COL10A1: variants seen among roughly 807,000 people sequenced by gnomAD.
COL10A1 encodes the protein collagen type X alpha 1 chain.
COL10A1 carries 10 observed loss-of-function variants against 18.2 expected under a neutral mutation model. The ratio of observed to expected loss-of-function variants is 0.55; its 90% confidence interval spans 0.34 to 0.93. The LOEUF is 0.93. Among genes scored for constraint, COL10A1 ranks in the 40% least tolerant of loss-of-function variants. COL10A1 has a pLI of 0.02. For synonymous variants in COL10A1, 330 were observed against 316.6 expected (o/e 1.04, Z -0.45); for missense variants, 897 against 853.5 (o/e 1.05, Z -0.64).
chr6:116,160,986 A>G (rs1582843802), upstream of COL10A1, among the ~76,000 whole-genome samples: 1 of 152,108 alleles, frequency 6.6e-6, no homozygotes, highest in East Asian at 1.9e-4. Flanking sequence ...TGTGGCACAT[A>G]TACACCATGG....
chr6:116,161,766 T>A (rs59897072), upstream of COL10A1, among the ~76,000 whole-genome samples: 345 of 152,286 alleles, frequency 2.3e-3, 2 homozygotes, highest in African/African-American at 8.2e-3. Flanking sequence ...CTGTGAAATA[T>A]AACATTGGTA....
the COL10A1 span, among the ~76,000 whole-genome samples, chr6:116,178,052 A>AGT: frequency 0.11 from 14,298 of 136,046 alleles, 955 homozygotes; most frequent in East Asian, 0.28. Context: ...CAAAGAGGAA[A>AGT]GTGTGTGTGT....
chr6:116,129,553 C>G (rs968724597), upstream of COL10A1, among the ~76,000 whole-genome samples: 7 of 152,192 alleles, frequency 4.6e-5, no homozygotes, highest in Non-Finnish European at 8.8e-5. Context: ...CTCTTGCACA[C>G]TTTTGCCCTC....
At chr6:116,194,943 C>T in the COL10A1 span, among the ~76,000 whole-genome samples, 3 of 152,072 alleles carry the variant, frequency 2.0e-5, no homozygotes, top group African/African-American at 4.8e-5. Flanking sequence ...GATACTGTGG[C>T]ATATTTGCCA....
chr6:116,209,402 G>A, the COL10A1 span, among the ~76,000 whole-genome samples: 3 of 151,936 alleles, frequency 2.0e-5, no homozygotes, highest in Non-Finnish European at 4.4e-5. Context: ...GAATCCTCTG[G>A]TACTTGCCTG....
the COL10A1 span, among the ~76,000 whole-genome samples, chr6:116,186,874 A>G: frequency 2.0e-5 from 3 of 152,096 alleles, no homozygotes; most frequent in African/African-American, 7.2e-5. Flanking sequence ...CTGGCAATTC[A>G]GAGATTTAGT....
chr6:116,197,095 C>T, the COL10A1 span, among the ~76,000 whole-genome samples: 1 of 151,882 alleles, frequency 6.6e-6, no homozygotes, highest in Non-Finnish European at 1.5e-5. Flanking sequence ...GCAGGATCTC[C>T]TGTCCACCCC....
At chr6:116,156,942 C>T (rs986119014) in intron 1 of COL10A1, among the ~76,000 whole-genome samples, 3 of 152,158 alleles carry the variant, frequency 2.0e-5, no homozygotes, top group African/African-American at 7.2e-5. Context: ...TGACCAGCCA[C>T]TCACTCCCTG....
At chr6:116,215,053 C>A in the COL10A1 span, among the ~76,000 whole-genome samples, 1 of 152,016 alleles carries the variant, frequency 6.6e-6, no homozygotes, top group African/African-American at 2.4e-5. Flanking sequence ...CAGAATAGAA[C>A]CCAGTTATCA....
chr6:116,176,242 C>T, the COL10A1 span, among the ~76,000 whole-genome samples: 1 of 152,158 alleles, frequency 6.6e-6, no homozygotes, highest in Non-Finnish European at 1.5e-5. Context: ...AGGATTACTG[C>T]TCCAGCTAAT....
At chr6:116,163,137 A>ATATATAT (rs1554197055), upstream of COL10A1, among the ~76,000 whole-genome samples, 314 of 105,282 alleles carry the variant, frequency 3.0e-3, 2 homozygotes, top group East Asian at 0.015. Flanking sequence ...AAAAAAAAAA[A>ATATATAT]AAAAATATAT....
At chr6:116,183,060 G>A in the COL10A1 span, among the ~76,000 whole-genome samples, 1 of 152,116 alleles carries the variant, frequency 6.6e-6, no homozygotes, top group African/African-American at 2.4e-5. Context: ...TATAAGATGA[G>A]AGATGAGGAT....
chr6:116,189,907 T>C, the COL10A1 span, among the ~76,000 whole-genome samples: 1 of 152,034 alleles, frequency 6.6e-6, no homozygotes, highest in Non-Finnish European at 1.5e-5. Flanking sequence ...TGTATGTTTT[T>C]GCCTTTTAAG....
intron 2 of COL10A1, 61 bp downstream of exon 2, chr6:116,125,278 T>A: frequency 6.4e-7 from 1 of 1,569,994 alleles, no homozygotes; most frequent in Admixed American, 1.8e-5. Context: ...AAAGAGATTA[T>A]TAAGATTATA....
intron 1 of COL10A1, among the ~76,000 whole-genome samples, chr6:116,149,422 A>T (rs1779978580): frequency 6.6e-6 from 1 of 152,324 alleles, no homozygotes; most frequent in Non-Finnish European, 1.5e-5. Flanking sequence ...TTTTAGGATT[A>T]TGATTTTCTA....
intron 1 of COL10A1, among the ~76,000 whole-genome samples, chr6:116,144,469 C>A (rs1779846545): frequency 6.6e-6 from 1 of 151,440 alleles, no homozygotes; most frequent in Non-Finnish European, 1.5e-5. Flanking sequence ...CCACTGCACT[C>A]CAGCCTGATG....
chr6:116,180,723 G>A, the COL10A1 span, among the ~76,000 whole-genome samples: 1 of 152,096 alleles, frequency 6.6e-6, no homozygotes, highest in East Asian at 1.9e-4. Context: ...AAGGCAATAA[G>A]CAGAATCCAG....
chr6:116,125,738 C>T, intron 1 of COL10A1: 1 of 342,278 alleles, frequency 2.9e-6, no homozygotes, highest in Non-Finnish European at 5.4e-6. Flanking sequence ...AAATGATTTA[C>T]CTAAAGGAAA....
intron 1 of COL10A1, among the ~76,000 whole-genome samples, chr6:116,147,132 T>G (rs1779918750): frequency 6.6e-6 from 1 of 151,024 alleles, no homozygotes; most frequent in Non-Finnish European, 1.5e-5. Context: ...AAAATACAAG[T>G]AAAGTTAAAG....
Sources: allele counts gnomAD v4.1 joint callset (sites outside exome capture counted in the v4.1 genomes callset), GRCh38; gene constraint gnomAD v4.1.1; transcripts MANE v1.5; gene names NCBI Gene and HGNC (gene_info 2026-07-23, HGNC 2026-07-21).